The following PELI2 variants were observed in gnomAD, a reference collection of about 807,000 sequenced individuals.
PELI2 encodes E3 ubiquitin-protein ligase pellino homolog 2.
A neutral mutation model predicts 42.3 loss-of-function variants in PELI2; 23 were observed. That is an observed-to-expected ratio of 0.54 (90% confidence interval 0.39 to 0.77). PELI2 has a LOEUF of 0.77. PELI2 is among the 30% of genes least tolerant of loss of function. The pLI is 0.00. For synonymous variants in PELI2, 245 were observed against 212.2 expected (o/e 1.15, Z -1.34); for missense variants, 463 against 553.2 (o/e 0.84, Z 1.64).
intron 1 of PELI2, among the ~76,000 whole-genome samples, chr14:56,144,752 G>A (rs1884049373): frequency 6.6e-6 from 1 of 152,172 alleles, no homozygotes; most frequent in Non-Finnish European, 1.5e-5. Flanking sequence ...ATGTAAAATA[G>A]CACTGTTCAG....
chr14:56,128,295 A>G (rs554948209), intron 1 of PELI2, among the ~76,000 whole-genome samples: 17 of 152,318 alleles, frequency 1.1e-4, no homozygotes, highest in African/African-American at 4.1e-4. Context: ...CAAATCATTA[A>G]TTAGGGTGTA....
chr14:56,157,457 A>G (rs1172543925), intron 1 of PELI2, among the ~76,000 whole-genome samples: 1 of 152,204 alleles, frequency 6.6e-6, no homozygotes, highest in African/African-American at 2.4e-5. Flanking sequence ...GCATCAATAT[A>G]CACAATGTAA....
intron 2 of PELI2, among the ~76,000 whole-genome samples, chr14:56,221,709 G>A (rs890235682): frequency 6.6e-6 from 1 of 152,190 alleles, no homozygotes; most frequent in Non-Finnish European, 1.5e-5. Flanking sequence ...TGAAACCATC[G>A]GTGAATGGGT....
chr14:56,124,443 C>T (rs924466268), intron 1 of PELI2, among the ~76,000 whole-genome samples: 2 of 152,236 alleles, frequency 1.3e-5, no homozygotes, highest in East Asian at 1.9e-4. Flanking sequence ...TGGCTGTCTA[C>T]TCTTCCAGGC....
intron 2 of PELI2, among the ~76,000 whole-genome samples, chr14:56,226,931 T>C (rs1373850324): frequency 3.9e-5 from 6 of 152,196 alleles, no homozygotes; most frequent in African/African-American, 1.4e-4. Context: ...AAAATGACTT[T>C]TTACTTTATG....
At chr14:56,184,058 C>T (rs1885684199) in intron 2 of PELI2, among the ~76,000 whole-genome samples, 2 of 151,820 alleles carry the variant, frequency 1.3e-5, no homozygotes, top group South Asian at 4.1e-4. Context: ...CAAATAAATA[C>T]TAGAGAATTA....
At chr14:56,146,703 A>G (rs1208396037) in intron 1 of PELI2, among the ~76,000 whole-genome samples, 1 of 152,202 alleles carries the variant, frequency 6.6e-6, no homozygotes, top group African/African-American at 2.4e-5. Context: ...ATTCTAGCAC[A>G]GTCTTCATTA....
At chr14:56,280,363 G>A (rs1247858633) in intron 3 of PELI2, among the ~76,000 whole-genome samples, 1 of 151,748 alleles carries the variant, frequency 6.6e-6, no homozygotes, top group Non-Finnish European at 1.5e-5. Flanking sequence ...ATAAAGTCTA[G>A]AAGCACATCA....
chr14:56,170,512 A>C (rs760592498), intron 1 of PELI2, among the ~76,000 whole-genome samples: 9 of 152,176 alleles, frequency 5.9e-5, no homozygotes, highest in Non-Finnish European at 1.0e-4. Flanking sequence ...AAGAGTATGA[A>C]ATTTGGAGTC....
chr14:56,194,970 CTGTG>C, intron 2 of PELI2, among the ~76,000 whole-genome samples: 1 of 152,346 alleles, frequency 6.6e-6, no homozygotes, highest in Non-Finnish European at 1.5e-5. Flanking sequence ...CTATTATTCA[CTGTG>C]TGTAATGATG....
chr14:56,133,182 T>G (rs1007003772), intron 1 of PELI2, among the ~76,000 whole-genome samples: 1 of 152,250 alleles, frequency 6.6e-6, no homozygotes, highest in Non-Finnish European at 1.5e-5. Flanking sequence ...TATATGTGCT[T>G]CTTTTTAAAG....
chr14:56,139,962 C>A lies in PELI2; in HGVS notation c.77+21225C>A, dbSNP rs1414899859. 2.0e-5 allele frequency among the ~76,000 whole-genome samples: 3 copies of A among 151,458 alleles called. 1 individual carries two copies. Among genetic ancestry groups the A allele is most frequent in the Non-Finnish European group, 4.4e-5 (3 of 67,944 alleles). Reference sequence around the variant, plus strand: ...AGCTCATTGCTGTTAAAATTTCTGGCTTTTCTGGCTTTCATCAGAAATGAA... The same window carrying A: ...AGCTCATTGCTGTTAAAATTTCTGGATTTTCTGGCTTTCATCAGAAATGAA... On this transcript the variant is annotated intron_variant, in intron 1 of 5. Transcript: ENST00000267460.
rs200859545 is a variant in PELI2, at chr14:56,296,641, T to C, written c.738T>C (p.Ile246=). 44 of 1,613,184 alleles carry C rather than the reference T, an allele frequency of 2.7e-5. No individual in the cohort carries two copies. The Admixed American group carries it at 7.2e-4, about 26-fold the overall frequency. The change falls in exon 6 of 6, where the codon ATT becomes ATC. Residue 246 remains isoleucine, a synonymous_variant. Transcript: ENST00000267460. ...ETNVLQDGSL[I]DLCGATLLWR... ...ACGTCCTGCAGGACGGCTCCCTCAT[T>C]GACCTGTGTGGGGCCACTCTCCTCT...
At chr14:56,136,161 G>A (rs886639007) in intron 1 of PELI2, among the ~76,000 whole-genome samples, 2 of 152,156 alleles carry the variant, frequency 1.3e-5, no homozygotes, top group African/African-American at 4.8e-5. Flanking sequence ...TCTCTGTAAG[G>A]ACAGATTGTA....
At chr14:56,192,561 C>T (rs1280806749) in intron 2 of PELI2, among the ~76,000 whole-genome samples, 2 of 152,072 alleles carry the variant, frequency 1.3e-5, no homozygotes, top group African/African-American at 2.4e-5. Flanking sequence ...CTGGATGTCC[C>T]CTGGAGGGCT....
intron 2 of PELI2, among the ~76,000 whole-genome samples, chr14:56,208,218 C>T (rs1886586038): frequency 6.6e-6 from 1 of 152,178 alleles, no homozygotes; most frequent in African/African-American, 2.4e-5. Context: ...CTACTAAAGT[C>T]ATTGACCATA....
At chr14:56,174,560 T>C (rs957755205) in intron 1 of PELI2, among the ~76,000 whole-genome samples, 2 of 151,904 alleles carry the variant, frequency 1.3e-5, no homozygotes, top group African/African-American at 4.8e-5. Flanking sequence ...GGGGTGGGGG[T>C]TGGATTTCCC....
rs367700594 is a variant in PELI2 at position 56,174,075 on chromosome 14, G to T, written c.78-4260G>T. Among the ~76,000 whole-genome samples, 9 of 152,138 alleles carry T rather than the reference G, an allele frequency of 5.9e-5. No individual in the cohort carries two copies. In the East Asian group the frequency reaches 1.6e-3, roughly 26 times the overall value. ...TGCTATCATGCCCAGCTAATTTTTT[G>T]TATTTTAAGTAGAGACAGGGTTTCA... On this transcript the variant is annotated intron_variant, in intron 1 of 5. Transcript: ENST00000267460.
chr14:56,210,061 T>C (rs1374561066), intron 2 of PELI2, among the ~76,000 whole-genome samples: 3 of 152,212 alleles, frequency 2.0e-5, no homozygotes, highest in Admixed American at 6.5e-5. Flanking sequence ...GACATTGTTA[T>C]ATTAATGTCA....
Sources: gnomAD v4.1 joint callset for allele counts (sites outside exome capture counted in the v4.1 genomes callset) on GRCh38, gnomAD v4.1.1 for gene constraint, MANE v1.5 for transcripts, NCBI Gene and HGNC (gene_info 2026-07-23, HGNC 2026-07-21) for gene names.